PHYHIP: variants seen among roughly 807,000 people sequenced by gnomAD.
PHYHIP encodes the protein phytanoyl-CoA 2-hydroxylase interacting protein.
A neutral mutation model predicts 26.1 loss-of-function variants in PHYHIP; 7 were observed. The observed-to-expected ratio is 0.27, with a 90% CI of 0.15 to 0.50. The LOEUF (loss-of-function observed/expected upper bound fraction) is 0.50, where lower values mean the gene tolerates loss of function less well. PHYHIP is among the 20% of genes least tolerant of loss of function. The pLI is 0.98. For synonymous variants in PHYHIP, 206 were observed against 183.4 expected (o/e 1.12, Z -1.00); for missense variants, 232 against 454.7 (o/e 0.51, Z 4.45).
chr8:22,228,513 G>A (rs1300318448), intron 1 of PHYHIP, 127 bp from the exon 2 acceptor site: 6 of 607,884 alleles, frequency 9.9e-6, no homozygotes, highest in African/African-American at 9.2e-5. Context: ...TCATGAACCA[G>A]ATGGGAAAGA....
chr8:22,221,944 G>T lies in PHYHIP; in HGVS notation c.459-57C>A. The T allele has an allele frequency of 1.4e-6, 2 of 1,413,068 alleles. No homozygotes were observed. Among genetic ancestry groups the T allele is most frequent in the Non-Finnish European group, 1.9e-6 (2 of 1,066,476 alleles). 87.5% of individuals were successfully genotyped at this position (1,413,068 alleles called of 1,614,324 possible). ...AGAGAAGATGTGGCTGGTGAGCCGG[G>T]CTGAGGCTTGGCTGCTGCGTGTGGT... On this transcript the variant is annotated intron_variant, in intron 4 of 4. Transcript: ENST00000454243. This position sits in a 1 kb window ranked among gnomAD's most constrained non-coding sequence, Gnocchi z 7.9.
intron 1 of PHYHIP, among the ~76,000 whole-genome samples, chr8:22,230,793 T>C (rs938482212): frequency 1.1e-4 from 16 of 152,050 alleles, no homozygotes; most frequent in African/African-American, 3.9e-4. Flanking sequence ...TTTTCCCTCT[T>C]CAATCTGTCA....
At chr8:22,226,689 G>GGCACGA (rs1489628113) in intron 3 of PHYHIP, among the ~76,000 whole-genome samples, 162 bp downstream of exon 3, 1 of 152,210 alleles carries the variant, frequency 6.6e-6, no homozygotes, top group Non-Finnish European at 1.5e-5. Context: ...TGGAGGCAGG[G>GGCACGA]AGGGTGTCAT....
At position 22,223,870 on chromosome 8, in the gene PHYHIP, C is replaced by T. The variant is rs192729614; in HGVS notation, c.458+356G>A. 3.4e-5 allele frequency: 7 copies of T among 206,996 alleles called. No homozygotes were observed. In the East Asian group the frequency reaches 4.1e-4, roughly 12 times the overall value. The allele number at this position is 206,996 out of a possible 1,614,324, so 12.8% of individuals were successfully genotyped here. A position where few individuals can be genotyped will look rare whatever the true frequency, so the allele number is the denominator to read the frequency against. ...GTGATCAGAACACTCATTTTGTGCA[C>T]TCCCTGCCACCTTCCCTTTGGCCCC... On this transcript the variant is annotated intron_variant, in intron 4 of 4. Coordinates refer to ENST00000454243, the MANE Select transcript of PHYHIP (RefSeq NM_014759.5).
chr8:22,224,485 C>T (rs571746370), intron 3 of PHYHIP, 142 bp from the exon 4 acceptor site: 1 of 620,472 alleles, frequency 1.6e-6, no homozygotes, highest in African/African-American at 1.8e-5. Context: ...AGTCGCAGAA[C>T]CTTAAACTCA....
At position 22,219,980 on chromosome 8, in the gene PHYHIP, G is replaced by A. The variant is rs1829580960; in HGVS notation, c.*1373C>T. ...CCCTGGCTACAGATAGGTGACCGTT[G>A]TCCACCTGTCCCTCACCGAGGTATG... On this transcript the variant is annotated 3_prime_UTR_variant, in exon 5 of 5. Transcript: ENST00000454243. 6.6e-6 allele frequency: 1 copy of A among 152,496 alleles called. No homozygotes were observed. Among genetic ancestry groups the A allele is most frequent in the Non-Finnish European group, 1.5e-5 (1 of 68,150 alleles). 9.4% of individuals were successfully genotyped at this position (152,496 alleles called of 1,614,324 possible).
At chr8:22,222,274 A>T (rs974919380) in intron 4 of PHYHIP, among the ~76,000 whole-genome samples, 5 of 151,744 alleles carry the variant, frequency 3.3e-5, no homozygotes, top group Non-Finnish European at 5.9e-5. Flanking sequence ...CGTGACCCCT[A>T]TGCAGGACTC....
At chr8:22,230,666 G>A (rs78098440) in intron 1 of PHYHIP, among the ~76,000 whole-genome samples, 10 of 151,254 alleles carry the variant, frequency 6.6e-5, no homozygotes, top group South Asian at 2.1e-4. Context: ...ACACACATGC[G>A]CCAAGAGTGC....
At chr8:22,230,743 T>G (rs914251662) in intron 1 of PHYHIP, among the ~76,000 whole-genome samples, 1 of 152,112 alleles carries the variant, frequency 6.6e-6, no homozygotes, top group Non-Finnish European at 1.5e-5. Context: ...CACATTCAGG[T>G]GCCTGCTGCC....
chr8:22,226,761 G>A (rs1829753846), intron 3 of PHYHIP, 90 bp downstream of exon 3: 2 of 1,248,954 alleles, frequency 1.6e-6, no homozygotes, highest in African/African-American at 3.0e-5. Flanking sequence ...GTTCATCAGT[G>A]TTTGCTGGAC....
rs1345463213 is a variant in PHYHIP at position 22,221,076 on chromosome 8, AGG to A, written c.*275_*276del. On this transcript the variant is annotated 3_prime_UTR_variant, in exon 5 of 5. Transcript: ENST00000454243. This position sits in a 1 kb window ranked among gnomAD's most constrained non-coding sequence, Gnocchi z 7.9. ...GGACGAGGCAAAGAACAGTAGGACA[AGG>A]AAACCAGAGGAAAGGGGAAGTTCTC... is the stretch of plus-strand genomic sequence containing the variant. The A allele has an allele frequency of 7.0e-5, 30 of 429,306 alleles. No homozygotes were observed. Among genetic ancestry groups the A allele is most frequent in the South Asian group, 6.2e-4 (11 of 17,628 alleles). 26.6% of individuals were successfully genotyped at this position (429,306 alleles called of 1,614,324 possible). A position where few individuals can be genotyped will look rare whatever the true frequency, so the allele number is the denominator to read the frequency against.
chr8:22,226,863 A>T lies in PHYHIP; in HGVS notation c.328T>A (p.Phe110Ile), dbSNP rs898951593. The change falls in exon 3 of 5, where the codon TTC (phenylalanine) becomes ATC (isoleucine). Residue 110 changes from phenylalanine to isoleucine, a missense_variant. Phe to Ile is a conservative substitution (Grantham distance 21). Transcript: ENST00000454243. ...LVSGWSETVE[F>I]CTGDYAKEHL... ...AGCAGGGCCTCACCCCCAGTGCAGA[A>T]CTCCACCGTCTCGCTCCAGCCGGAC... 2 of 1,612,744 alleles carry T rather than the reference A, an allele frequency of 1.2e-6. No homozygotes were observed. Among genetic ancestry groups the T allele is most frequent in the Non-Finnish European group, 1.7e-6 (2 of 1,179,406 alleles).
At chr8:22,230,791 C>T (rs1829850830) in intron 1 of PHYHIP, among the ~76,000 whole-genome samples, 1 of 152,168 alleles carries the variant, frequency 6.6e-6, no homozygotes, top group South Asian at 2.1e-4. Flanking sequence ...AGTTTTCCCT[C>T]TTCAATCTGT....
intron 2 of PHYHIP, 111 bp from the exon 3 acceptor site, chr8:22,227,136 G>C (rs1829764375): frequency 1.0e-6 from 1 of 996,616 alleles, no homozygotes. Context: ...CTCCTGAGCA[G>C]GACCAATCTT....
At chr8:22,230,673 G>C (rs962961997) in intron 1 of PHYHIP, among the ~76,000 whole-genome samples, 11 of 151,892 alleles carry the variant, frequency 7.2e-5, no homozygotes, top group African/African-American at 2.4e-4. Flanking sequence ...TGCGCCAAGA[G>C]TGCCCACCCA....
Position 22,220,566 on chromosome 8 carries a change from C to A in PHYHIP, c.*787G>T, listed in dbSNP as rs537923653. The A allele has an allele frequency of 5.4e-4, 83 of 152,590 alleles. No homozygotes were observed. Among genetic ancestry groups the A allele is most frequent in the Non-Finnish European group, 8.8e-4 (60 of 68,252 alleles). 9.5% of individuals were successfully genotyped at this position (152,590 alleles called of 1,614,324 possible). ...CCTCTGGGTCTCAGGGGTCTCCTCC[C>A]CCTCCTCAACCCCAGTGGCTGCTGT... On this transcript the variant is annotated 3_prime_UTR_variant, in exon 5 of 5. Coordinates refer to ENST00000454243, the MANE Select transcript of PHYHIP (RefSeq NM_014759.5).
chr8:22,224,388 G>A, intron 3 of PHYHIP, 45 bp from the exon 4 acceptor site: 1 of 1,122,510 alleles, frequency 8.9e-7, no homozygotes, highest in Non-Finnish European at 1.3e-6. Flanking sequence ...GCCAGCTGAG[G>A]AGCACAAACA....
intron 1 of PHYHIP, among the ~76,000 whole-genome samples, chr8:22,229,281 C>T (rs1829821235): frequency 6.6e-6 from 1 of 152,092 alleles, no homozygotes; most frequent in African/African-American, 2.4e-5. Flanking sequence ...AAGATAGTGT[C>T]CCCTCATGTG....
rs1271105792 is a variant in PHYHIP, at chr8:22,221,322, T to C, written c.*31A>G. 6.5e-7 allele frequency: 1 copy of C among 1,527,112 alleles called. No homozygotes were observed. The highest frequency in any genetic ancestry group is 2.3e-5 in the East Asian group (1 of 44,032). 94.6% of individuals were successfully genotyped at this position (1,527,112 alleles called of 1,614,324 possible). A position where few individuals can be genotyped will look rare whatever the true frequency, so the allele number is the denominator to read the frequency against. ...TACCCACCTCCACCTTCCGCTCATC[T>C]CTCCCTCGCCCCCCAGCTCCCCAGG... On this transcript the variant is annotated 3_prime_UTR_variant, in exon 5 of 5. Coordinates refer to ENST00000454243, the MANE Select transcript of PHYHIP (RefSeq NM_014759.5). The surrounding 1 kb of genome is among the most constrained non-coding windows in gnomAD (Gnocchi z 7.9).
Sources: allele counts gnomAD v4.1 joint callset (sites outside exome capture counted in the v4.1 genomes callset), GRCh38; gene constraint gnomAD v4.1.1; non-coding constraint Gnocchi (gnomAD v3.1); transcripts MANE v1.5; gene names NCBI Gene and HGNC (gene_info 2026-07-23, HGNC 2026-07-21).